The following ITGA11 variants were observed in gnomAD, a reference collection of about 807,000 sequenced individuals.
ITGA11 encodes the protein integrin subunit alpha 11.
ITGA11 carries 97 observed loss-of-function variants against 141.9 expected under a neutral mutation model. The observed-to-expected ratio is 0.68, with a 90% CI of 0.58 to 0.81. ITGA11 has a LOEUF of 0.81. Ranked by LOEUF, ITGA11 falls within the 30% of genes least tolerant of loss-of-function variation. The pLI is 0.00. For missense variants in ITGA11, 1,387 were observed against 1,559.2 expected (o/e 0.89, Z 1.86); for synonymous variants, 658 against 624.6 (o/e 1.05, Z -0.80).
chr15:68,375,563 C>G (rs1008142684), intron 2 of ITGA11, among the ~76,000 whole-genome samples: 2 of 152,166 alleles, frequency 1.3e-5, no homozygotes, highest in Non-Finnish European at 2.9e-5. Context: ...GAGAAGTTGG[C>G]ACCTGCAGGT....
At chr15:68,330,157 T>C (rs977502983) in intron 15 of ITGA11, among the ~76,000 whole-genome samples, 1 of 152,224 alleles carries the variant, frequency 6.6e-6, no homozygotes, top group Non-Finnish European at 1.5e-5. Context: ...CCTCAGGCTG[T>C]TTTCTAGGGA....
In ITGA11 at chr15:68,307,075, C is replaced by T. The variant is rs547522927; in HGVS notation, c.3381+273G>A. On this transcript the variant is annotated intron_variant, in intron 28 of 29. Coordinates refer to ENST00000315757, the MANE Select transcript of ITGA11 (RefSeq NM_001004439.2). The surrounding 1 kb of genome is among the most constrained non-coding windows in gnomAD (Gnocchi z 6.1). ...TAACAATCTGCTTTTACGCAACTAA[C>T]AGAGGCTGATACCGAGGCATCTCCC... Among the ~76,000 whole-genome samples the T allele has an allele frequency of 6.6e-6, 1 of 152,230 alleles. No individual in the cohort carries two copies. The highest frequency in any genetic ancestry group is 1.9e-4 in the East Asian group (1 of 5,202).
intron 1 of ITGA11, among the ~76,000 whole-genome samples, chr15:68,422,652 T>A (rs542769269): frequency 1.3e-5 from 2 of 152,248 alleles, no homozygotes; most frequent in Admixed American, 6.5e-5. Context: ...TAGTTGGCTT[T>A]CGGTTTCCTC....
chr15:68,311,127 C>T (rs371538230), intron 25 of ITGA11, 47 bp from the exon 26 acceptor site: 350 of 1,463,778 alleles, frequency 2.4e-4, no homozygotes, highest in Non-Finnish European at 3.1e-4. Context: ...GCCTCACAAC[C>T]AGCTCTGGCA....
Position 68,328,049 on chromosome 15 carries a change from G to GT in ITGA11, c.2068+46_2068+47insA. ...GCTTTGAAATAGAGCAAGGTGCAGG[G>GT]GGAGACTGGAGTCTGGGGGTGGGGA... On this transcript the variant is annotated intron_variant, in intron 16 of 29. Transcript: ENST00000315757. The surrounding 1 kb of genome is among the most constrained non-coding windows in gnomAD (Gnocchi z 4.8). 6.4e-7 allele frequency: 1 copy of GT among 1,561,822 alleles called. No individual in the cohort carries two copies. The highest frequency in any genetic ancestry group is 1.2e-5 in the South Asian group (1 of 83,790).
At chr15:68,393,722 T>C (rs1276092032) in intron 2 of ITGA11, among the ~76,000 whole-genome samples, 1 of 152,120 alleles carries the variant, frequency 6.6e-6, no homozygotes, top group Non-Finnish European at 1.5e-5. Flanking sequence ...AAATACTAAG[T>C]AGAGTTCTTT....
At chr15:68,363,098 G>A (rs2140351456) in intron 4 of ITGA11, among the ~76,000 whole-genome samples, 2 of 152,262 alleles carry the variant, frequency 1.3e-5, no homozygotes, top group East Asian at 3.9e-4. Flanking sequence ...AAAGATGGAT[G>A]ATTACATGGG....
chr15:68,368,804 T>C (rs1895501763), intron 3 of ITGA11, among the ~76,000 whole-genome samples: 3 of 152,068 alleles, frequency 2.0e-5, no homozygotes, highest in Admixed American at 6.5e-5. Context: ...ATCGAAGATA[T>C]CTGAATGTTA....
At chr15:68,346,872 C>T (rs1894759943) in intron 10 of ITGA11, among the ~76,000 whole-genome samples, 1 of 152,200 alleles carries the variant, frequency 6.6e-6, no homozygotes, top group Non-Finnish European at 1.5e-5. Context: ...TCCCCCTATC[C>T]CCTGCATTGA....
At chr15:68,405,558 C>T (rs1896630016) in intron 1 of ITGA11, among the ~76,000 whole-genome samples, 1 of 152,222 alleles carries the variant, frequency 6.6e-6, no homozygotes, top group Non-Finnish European at 1.5e-5. Flanking sequence ...GTTTACAAAT[C>T]CCATGCCATA....
In ITGA11 at chr15:68,408,100, C is replaced by A. The variant is rs148743066; in HGVS notation, c.53-5071G>T. On this transcript the variant is annotated intron_variant, in intron 1 of 29. Coordinates refer to ENST00000315757, the MANE Select transcript of ITGA11 (RefSeq NM_001004439.2). ...CTAGCCTTGTCTTGTGTGAGTTTTCCTCTAGGTCCCTTTTCTGCTCCTCCA... is the reference window on the plus strand; with the variant it reads ...CTAGCCTTGTCTTGTGTGAGTTTTCATCTAGGTCCCTTTTCTGCTCCTCCA... 3.4e-3 allele frequency among the ~76,000 whole-genome samples: 523 copies of A among 152,306 alleles called. 3 individuals carry two copies. Among genetic ancestry groups the A allele is most frequent in the Non-Finnish European group, 6.3e-3 (426 of 68,028 alleles).
At chr15:68,430,708 T>A (rs1047878426) in intron 1 of ITGA11, among the ~76,000 whole-genome samples, 2 of 152,228 alleles carry the variant, frequency 1.3e-5, no homozygotes, top group African/African-American at 2.4e-5. Flanking sequence ...AGTTGCATAT[T>A]GGCCTGGTGG....
intron 2 of ITGA11, among the ~76,000 whole-genome samples, chr15:68,374,889 G>A (rs1395541178): frequency 6.6e-6 from 1 of 152,220 alleles, no homozygotes; most frequent in Non-Finnish European, 1.5e-5. Flanking sequence ...TCATTTGAAT[G>A]AATCACTTTC....
intron 2 of ITGA11, among the ~76,000 whole-genome samples, chr15:68,399,812 G>A (rs575343284): frequency 6.6e-6 from 1 of 152,048 alleles, no homozygotes; most frequent in East Asian, 1.9e-4. Context: ...TGGGGAGGGA[G>A]GGAAGGAGAG....
rs984310400 is a variant in ITGA11, at chr15:68,324,815, G to A, written c.2322+316C>T. On this transcript the variant is annotated intron_variant, in intron 18 of 29. Coordinates refer to ENST00000315757, the MANE Select transcript of ITGA11 (RefSeq NM_001004439.2). The surrounding 1 kb of genome is among the most constrained non-coding windows in gnomAD (Gnocchi z 6.3). ...AGGGAGGTGGGTGATTAAGATCTCCGATCCCTTCTCATCCAGTGGTTCTTT... is the reference window on the plus strand; with the variant it reads ...AGGGAGGTGGGTGATTAAGATCTCCAATCCCTTCTCATCCAGTGGTTCTTT... 1.3e-5 allele frequency among the ~76,000 whole-genome samples: 2 copies of A among 152,114 alleles called. No homozygotes were observed. The highest frequency in any genetic ancestry group is 2.9e-5 in the Non-Finnish European group (2 of 68,038).
At chr15:68,402,531 C>T (rs1001843923) in intron 2 of ITGA11, among the ~76,000 whole-genome samples, 2 of 152,084 alleles carry the variant, frequency 1.3e-5, no homozygotes, top group East Asian at 1.9e-4. Context: ...TTTGCCCCAT[C>T]GCTGCCTGGG....
intron 2 of ITGA11, among the ~76,000 whole-genome samples, chr15:68,381,107 T>G (rs538364764): frequency 1.1e-4 from 16 of 152,290 alleles, no homozygotes; most frequent in African/African-American, 3.6e-4. Context: ...ACAGACCTCT[T>G]AGAAAAAATT....
intron 3 of ITGA11, among the ~76,000 whole-genome samples, chr15:68,367,470 CCTT>C (rs1473750201): frequency 1.3e-5 from 2 of 152,248 alleles, no homozygotes; most frequent in Non-Finnish European, 2.9e-5. Flanking sequence ...CCACCTGTAA[CCTT>C]CTCAAAAACT....
chr15:68,326,509 G>T lies in ITGA11; in HGVS notation c.2211+145C>A. On this transcript the variant is annotated intron_variant, in intron 17 of 29. Coordinates refer to ENST00000315757, the MANE Select transcript of ITGA11 (RefSeq NM_001004439.2). The surrounding 1 kb of genome is among the most constrained non-coding windows in gnomAD (Gnocchi z 6.8). ...GGGCATGAGGTGGGAATGTGGAGTG[G>T]CCAAGGTCAGGGTACACTGTCCCTG... The T allele has an allele frequency of 1.3e-6, 1 of 799,370 alleles. No homozygotes were observed. Among genetic ancestry groups the T allele is most frequent in the African/African-American group, 1.7e-5 (1 of 58,068 alleles). The allele number at this position is 799,370 out of a possible 1,614,324, so 49.5% of individuals were successfully genotyped here.
Sources: allele counts gnomAD v4.1 joint callset (sites outside exome capture counted in the v4.1 genomes callset), GRCh38; gene constraint gnomAD v4.1.1; non-coding constraint Gnocchi (gnomAD v3.1); transcripts MANE v1.5; gene names NCBI Gene and HGNC (gene_info 2026-07-23, HGNC 2026-07-21).